The following RBFOX1 variants were observed in gnomAD, a reference collection of about 807,000 sequenced individuals.
The protein encoded by RBFOX1 is RNA binding fox-1 homolog 1, also known as RNA binding protein fox-1 homolog 1.
A neutral mutation model predicts 57.7 loss-of-function variants in RBFOX1; 8 were observed. The ratio of observed to expected loss-of-function variants is 0.14; its 90% CI spans 0.08 to 0.25. The LOEUF (loss-of-function observed/expected upper bound fraction) is 0.25. Among genes scored for constraint, RBFOX1 ranks in the 10% least tolerant of loss-of-function variants. The pLI is 1.00. For synonymous variants in RBFOX1, 326 were observed against 222.4 expected (o/e 1.47, Z -4.15); for missense variants, 611 against 548.5 (o/e 1.11, Z -1.14).
intron 2 of RBFOX1, among the ~76,000 whole-genome samples, chr16:6,445,449 G>C (rs879426014): frequency 6.6e-6 from 1 of 151,954 alleles, no homozygotes; most frequent in Non-Finnish European, 1.5e-5. Flanking sequence ...CAACAATGTG[G>C]TGTGGTTTAA....
At chr16:7,133,870 TC>T in intron 4 of RBFOX1, among the ~76,000 whole-genome samples, 1 of 152,120 alleles carries the variant, frequency 6.6e-6, no homozygotes, top group Non-Finnish European at 1.5e-5. Context: ...TCATGGCTAA[TC>T]CAAAAAATAT....
At chr16:5,523,820 A>C (rs1394629768) in intron 2 of RBFOX1, among the ~76,000 whole-genome samples, 1 of 152,106 alleles carries the variant, frequency 6.6e-6, no homozygotes, top group Non-Finnish European at 1.5e-5. Flanking sequence ...GGAAGTAGGA[A>C]GAGAACAAGC....
chr16:5,552,920 C>A (rs929209732), intron 2 of RBFOX1, among the ~76,000 whole-genome samples: 1 of 152,040 alleles, frequency 6.6e-6, no homozygotes, highest in Non-Finnish European at 1.5e-5. Flanking sequence ...GGCAAGAATT[C>A]AAAAGGCAAG....
At chr16:6,402,447 T>G (rs2093112721) in intron 2 of RBFOX1, among the ~76,000 whole-genome samples, 1 of 152,230 alleles carries the variant, frequency 6.6e-6, no homozygotes, top group Non-Finnish European at 1.5e-5. Context: ...TCTTTTATCT[T>G]TTAATGCACT....
chr16:5,927,367 C>G (rs989573155), intron 4 of RBFOX1, among the ~76,000 whole-genome samples: 1 of 152,186 alleles, frequency 6.6e-6, no homozygotes, highest in Admixed American at 6.5e-5. Flanking sequence ...CTTTCTCACT[C>G]TAGGCACCAA....
In RBFOX1 at chr16:5,631,889, G is replaced by T. The variant is rs145005118; in HGVS notation, c.318+32928G>T. The stretch of plus-strand genomic sequence containing the variant: ...GGATCATTTTCTGGGATGGACACTG[G>T]GGTGTTCACTAGGGTCAGGTGAATG... On this transcript the variant is annotated intron_variant, in intron 3 of 19. Coordinates refer to the RBFOX1 transcript ENST00000641259. Among the ~76,000 whole-genome samples the T allele has an allele frequency of 3.9e-3, 590 of 152,288 alleles. 5 individuals carry two copies. Among genetic ancestry groups the T allele is most frequent in the African/African-American group, 0.013 (539 of 41,562 alleles).
At chr16:6,123,107 G>C (rs1402971624) in intron 1 of RBFOX1, among the ~76,000 whole-genome samples, 1 of 151,976 alleles carries the variant, frequency 6.6e-6, no homozygotes. Flanking sequence ...CCCTCAAAAG[G>C]CTACACCTAA....
At chr16:6,343,680 C>G (rs546709708) in intron 2 of RBFOX1, among the ~76,000 whole-genome samples, 2 of 152,258 alleles carry the variant, frequency 1.3e-5, no homozygotes, top group African/African-American at 2.4e-5. Flanking sequence ...GAATTGCTAG[C>G]TACTGTTTAA....
intron 2 of RBFOX1, among the ~76,000 whole-genome samples, chr16:6,419,557 A>G (rs2093718089): frequency 6.6e-6 from 1 of 152,224 alleles, no homozygotes; most frequent in Non-Finnish European, 1.5e-5. Context: ...CAGTGGAGGC[A>G]GAGGAGAATG....
At position 7,052,115 on chromosome 16, in the gene RBFOX1, G is replaced by C; in HGVS notation, c.27+17G>C. The C allele has an allele frequency of 6.3e-7, 1 of 1,590,826 alleles. No individual in the cohort carries two copies. Among genetic ancestry groups the C allele is most frequent in the African/African-American group, 1.4e-5 (1 of 73,544 alleles). ...CAGCTAAGGGTAGGTGCACCTGCTT[G>C]TAAAATGCTTCCTGATTCTCATTTT... is the stretch of plus-strand genomic sequence containing the variant. On this transcript the variant is annotated intron_variant, in intron 4 of 15. Coordinates refer to ENST00000550418, the MANE Select transcript of RBFOX1 (RefSeq NM_018723.4).
chr16:7,211,355 G>A (rs374731841), intron 4 of RBFOX1, among the ~76,000 whole-genome samples: 1 of 134,860 alleles, frequency 7.4e-6, no homozygotes, highest in African/African-American at 2.9e-5. Context: ...TTGCACCACT[G>A]CGCCCCAGCC....
At chr16:6,696,189 C>G (rs781037349) in intron 3 of RBFOX1, among the ~76,000 whole-genome samples, 16 of 152,106 alleles carry the variant, frequency 1.1e-4, no homozygotes, top group Non-Finnish European at 2.2e-4. Context: ...ATAATACTCT[C>G]TAGTTGATAT....
chr16:5,843,176 G>A (rs1409039455), intron 3 of RBFOX1, among the ~76,000 whole-genome samples: 3 of 151,998 alleles, frequency 2.0e-5, no homozygotes, highest in Non-Finnish European at 4.4e-5. Context: ...TACATGTGCA[G>A]GTTTATTATA....
intron 3 of RBFOX1, among the ~76,000 whole-genome samples, chr16:6,851,702 C>T (rs1212008679): frequency 2.6e-5 from 4 of 152,066 alleles, no homozygotes; most frequent in Non-Finnish European, 4.4e-5. Context: ...ATTTCAATGC[C>T]AGGCAAAGGA....
intron 2 of RBFOX1, among the ~76,000 whole-genome samples, chr16:6,534,214 A>G (rs192909215): frequency 6.6e-5 from 10 of 152,212 alleles, no homozygotes; most frequent in African/African-American, 2.4e-4. Context: ...AATGCTATCC[A>G]GCAATAAAAA....
At chr16:6,108,450 C>T (rs1254793168) in intron 1 of RBFOX1, among the ~76,000 whole-genome samples, 2 of 152,170 alleles carry the variant, frequency 1.3e-5, no homozygotes, top group East Asian at 3.8e-4. Flanking sequence ...GCCTGTCACA[C>T]AGTAAATGCT....
intron 3 of RBFOX1, among the ~76,000 whole-genome samples, chr16:6,788,560 C>G (rs542954506): frequency 6.6e-6 from 1 of 152,078 alleles, no homozygotes; most frequent in East Asian, 1.9e-4. Flanking sequence ...ACTGCAAGCT[C>G]TGCCTTCTGG....
At chr16:5,243,262 G>T (rs1344785452) in intron 1 of RBFOX1, among the ~76,000 whole-genome samples, 1 of 152,206 alleles carries the variant, frequency 6.6e-6, no homozygotes, top group Admixed American at 6.6e-5. Flanking sequence ...AGAGATTTCT[G>T]TGTTGTCAGG....
At chr16:7,048,581 T>G (rs1170144461) in intron 3 of RBFOX1, among the ~76,000 whole-genome samples, 1 of 152,176 alleles carries the variant, frequency 6.6e-6, no homozygotes, top group African/African-American at 2.4e-5. Context: ...TTATTATCTT[T>G]TGTTTCTTTG....
Sources: gnomAD v4.1 joint callset for allele counts (sites outside exome capture counted in the v4.1 genomes callset) on GRCh38, gnomAD v4.1.1 for gene constraint, MANE v1.5 for transcripts, NCBI Gene and HGNC (gene_info 2026-07-23, HGNC 2026-07-21) for gene names.